The following NEGR1 variants were observed in gnomAD, a reference collection of about 807,000 sequenced individuals.
NEGR1 encodes the protein IgLON family member 4.
In NEGR1, 10 loss-of-function variants were observed where a neutral mutation model predicts 40.9. The ratio of observed to expected loss-of-function variants is 0.24; its 90% CI spans 0.15 to 0.42. The LOEUF (loss-of-function observed/expected upper bound fraction) is 0.42, where lower values mean the gene tolerates loss of function less well. NEGR1 is among the 10% of genes least tolerant of loss of function. The probability of loss-of-function intolerance (pLI) is 1.00; values close to 1 mark genes in which losing one functional copy is unlikely to be tolerated. For synonymous variants in NEGR1, 185 were observed against 166.8 expected (o/e 1.11, Z -0.84); for missense variants, 352 against 438.9 (o/e 0.80, Z 1.77).
intron 6 of NEGR1, among the ~76,000 whole-genome samples, chr1:71,478,116 T>C (rs1646833453): frequency 1.3e-5 from 2 of 152,174 alleles, no homozygotes; most frequent in Admixed American, 6.6e-5. Flanking sequence ...TTTACTTTGC[T>C]CTGTAGGAAA....
At chr1:72,191,843 T>C (rs1318147549) in intron 1 of NEGR1, among the ~76,000 whole-genome samples, 2 of 151,680 alleles carry the variant, frequency 1.3e-5, no homozygotes, top group African/African-American at 4.8e-5. Flanking sequence ...ACAGGGTGGA[T>C]TGATCCAACA....
chr1:72,199,435 T>C (rs1480202312), intron 1 of NEGR1, among the ~76,000 whole-genome samples: 1 of 152,014 alleles, frequency 6.6e-6, no homozygotes, highest in African/African-American at 2.4e-5. Context: ...ACAAAGCTAA[T>C]AAGTGGAGAA....
At chr1:71,485,628 C>CTT (rs1646882677) in intron 6 of NEGR1, among the ~76,000 whole-genome samples, 1 of 151,616 alleles carries the variant, frequency 6.6e-6, no homozygotes, top group East Asian at 1.9e-4. Context: ...AAACACTGAC[C>CTT]TTTTTACTGT....
intron 1 of NEGR1, among the ~76,000 whole-genome samples, chr1:72,081,237 C>T (rs1276568645): frequency 6.6e-6 from 1 of 152,034 alleles, no homozygotes; most frequent in African/African-American, 2.4e-5. Context: ...TCAAATAAAA[C>T]TACAGAGTAA....
At chr1:72,077,910 T>A (rs1030976713) in intron 1 of NEGR1, among the ~76,000 whole-genome samples, 2 of 152,024 alleles carry the variant, frequency 1.3e-5, no homozygotes, top group Non-Finnish European at 2.9e-5. Context: ...CCCTAGAAAT[T>A]AGGATAAAGC....
chr1:72,242,279 C>A (rs1654770099), intron 1 of NEGR1, among the ~76,000 whole-genome samples: 1 of 151,506 alleles, frequency 6.6e-6, no homozygotes, highest in South Asian at 2.1e-4. Context: ...AAAAATTTGA[C>A]CTGTAATGAG....
chr1:71,537,888 A>G (rs1282202352), intron 6 of NEGR1, among the ~76,000 whole-genome samples: 1 of 151,676 alleles, frequency 6.6e-6, no homozygotes, highest in Non-Finnish European at 1.5e-5. Flanking sequence ...TCTGATGAGC[A>G]ACAGTAAAGG....
At chr1:71,648,809 G>A (rs1354943998) in intron 4 of NEGR1, among the ~76,000 whole-genome samples, 1 of 151,976 alleles carries the variant, frequency 6.6e-6, no homozygotes, top group Non-Finnish European at 1.5e-5. Flanking sequence ...CCTGGATTTG[G>A]AAACTTACAT....
intron 6 of NEGR1, among the ~76,000 whole-genome samples, chr1:71,501,554 C>A (rs2101401544): frequency 6.6e-6 from 1 of 152,132 alleles, no homozygotes; most frequent in South Asian, 2.1e-4. Flanking sequence ...TGAGAGGTGG[C>A]AAATTTTAGT....
At chr1:71,791,702 C>T (rs1657124807) in intron 2 of NEGR1, among the ~76,000 whole-genome samples, 1 of 152,032 alleles carries the variant, frequency 6.6e-6, no homozygotes, top group East Asian at 1.9e-4. Flanking sequence ...AAAATGAGAA[C>T]ATTAGTAACT....
intron 2 of NEGR1, among the ~76,000 whole-genome samples, chr1:71,905,612 T>C (rs1661254534): frequency 1.3e-5 from 2 of 152,032 alleles, no homozygotes; most frequent in African/African-American, 2.4e-5. Flanking sequence ...AGAATTCTTA[T>C]GTTGCAAATA....
intron 5 of NEGR1, among the ~76,000 whole-genome samples, chr1:71,609,514 CAAAAA>C (rs61728217): frequency 1.7e-4 from 4 of 24,092 alleles, no homozygotes; most frequent in Non-Finnish European, 2.7e-4. Flanking sequence ...GACTCCGTCT[CAAAAA>C]AAAAAAAAAA....
At chr1:72,222,799 T>G (rs915207658) in intron 1 of NEGR1, among the ~76,000 whole-genome samples, 1 of 152,160 alleles carries the variant, frequency 6.6e-6, no homozygotes, top group Non-Finnish European at 1.5e-5. Flanking sequence ...TCAGCTTCCA[T>G]GCTCTAAGAA....
chr1:71,460,446 C>T (rs1646706909), intron 6 of NEGR1, among the ~76,000 whole-genome samples: 1 of 152,198 alleles, frequency 6.6e-6, no homozygotes, highest in Non-Finnish European at 1.5e-5. Flanking sequence ...TAGGCAGCTA[C>T]GTTTCTTCAC....
intron 1 of NEGR1, among the ~76,000 whole-genome samples, chr1:72,165,501 GA>G (rs1651733185): frequency 6.6e-6 from 1 of 151,992 alleles, no homozygotes; most frequent in Non-Finnish European, 1.5e-5. Context: ...GAATTCTGGA[GA>G]GGATGAAGCA....
At chr1:72,147,824 C>A (rs181944801) in intron 1 of NEGR1, among the ~76,000 whole-genome samples, 342 of 152,208 alleles carry the variant, frequency 2.2e-3, no homozygotes, top group African/African-American at 7.9e-3. Context: ...TGAAATCCAG[C>A]GGGGCAGTCA....
At chr1:71,651,206 A>G (rs1651703118) in intron 4 of NEGR1, among the ~76,000 whole-genome samples, 1 of 152,146 alleles carries the variant, frequency 6.6e-6, no homozygotes, top group African/African-American at 2.4e-5. Context: ...TGACCTATAT[A>G]TGGGGGATTA....
chr1:71,608,513 C>A (rs1180315580), intron 5 of NEGR1, among the ~76,000 whole-genome samples: 24 of 109,324 alleles, frequency 2.2e-4, no homozygotes, highest in Admixed American at 4.0e-4. Context: ...TTTTTTTTGA[C>A]AATGGTTGCT....
At chr1:71,481,376 A>G (rs1032284713) in intron 6 of NEGR1, among the ~76,000 whole-genome samples, 8 of 151,888 alleles carry the variant, frequency 5.3e-5, no homozygotes, top group Admixed American at 1.3e-4. Context: ...TCTTTACACA[A>G]TGATTTTTCA....
Sources: allele counts gnomAD v4.1 joint callset (sites outside exome capture counted in the v4.1 genomes callset), GRCh38; gene constraint gnomAD v4.1.1; transcripts MANE v1.5; gene names NCBI Gene and HGNC (gene_info 2026-07-23, HGNC 2026-07-21).